The following FGF13 variants were observed in gnomAD, a reference collection of about 807,000 sequenced individuals.
The protein encoded by FGF13 is fibroblast growth factor 13.
FGF13 carries 2 observed loss-of-function variants against 19.5 expected under a neutral mutation model. That is an observed-to-expected ratio of 0.10 (90% CI 0.04 to 0.32). The LOEUF (loss-of-function observed/expected upper bound fraction) is 0.32. FGF13 is among the 10% of genes least tolerant of loss of function. FGF13 has a pLI of 1.00. For synonymous variants in FGF13, 72 were observed against 76.9 expected, an observed-to-expected ratio of 0.94 and a Z score of 0.33; for missense variants, 113 against 192.7, an observed-to-expected ratio of 0.59 and a Z score of 2.45.
chrX:138,671,368 T>C (rs1289097418), intron 3 of FGF13, among the ~76,000 whole-genome samples: 1 of 111,803 alleles, frequency 8.9e-6, no homozygotes, highest in Non-Finnish European at 1.9e-5. Context: ...ATGAATCTTA[T>C]AAATACAGGC....
Position 138,913,675 on chromosome X carries a change from AG to A in FGF13, c.-112-49026del, listed in dbSNP as rs2091602687. ...AAGGAAGGAAGGAAGGAAGGAAGGA[AG>A]GAAGGAAGGAAGGAAGGAAGGAAGG... is the stretch of plus-strand genomic sequence containing the variant. On this transcript the variant is annotated intron_variant, in intron 1 of 2. Coordinates refer to the FGF13 transcript ENST00000421460. 2.9e-5 allele frequency among the ~76,000 whole-genome samples: 3 copies of A among 103,642 alleles called. No individual in the cohort carries two copies. In the South Asian group the frequency reaches 1.4e-3, roughly 50 times the overall value. The allele number at this position is 103,642 out of a possible 115,157, so 90.0% of individuals were successfully genotyped here. A position where few individuals can be genotyped will look rare whatever the true frequency, so the allele number is the denominator to read the frequency against.
intron 3 of FGF13, among the ~76,000 whole-genome samples, chrX:138,836,798 T>C (rs1351290195): frequency 8.9e-6 from 1 of 111,998 alleles, no homozygotes; most frequent in Non-Finnish European, 1.9e-5. Flanking sequence ...GGTTTCAGGG[T>C]TCTTCTGCTG....
chrX:139,028,509 CTA>C (rs1312360043), intron 1 of FGF13, among the ~76,000 whole-genome samples: 1 of 109,978 alleles, frequency 9.1e-6, no homozygotes. Flanking sequence ...TCATGTCATT[CTA>C]TCTTTTGTTA....
intron 1 of FGF13, among the ~76,000 whole-genome samples, chrX:138,992,290 AT>A (rs1448166373): frequency 9.0e-6 from 1 of 111,079 alleles, no homozygotes; most frequent in Admixed American, 9.6e-5. Flanking sequence ...TTGTCTTTCA[AT>A]TTTGTTTATC....
chrX:139,011,889 G>A (rs1018605749), intron 1 of FGF13, among the ~76,000 whole-genome samples: 1 of 111,388 alleles, frequency 9.0e-6, no homozygotes, highest in Admixed American at 9.6e-5. Context: ...GGTAAAAAGA[G>A]GAAGGCAAAC....
At chrX:139,019,800 GA>G (rs952906485) in intron 1 of FGF13, among the ~76,000 whole-genome samples, 12 of 106,310 alleles carry the variant, frequency 1.1e-4, no homozygotes, top group Non-Finnish European at 1.8e-4. Flanking sequence ...AACCAGTCTA[GA>G]AAAAAAAAGG....
chrX:138,969,840 C>T (rs1280018954), intron 1 of FGF13, among the ~76,000 whole-genome samples: 1 of 111,756 alleles, frequency 8.9e-6, no homozygotes, highest in Non-Finnish European at 1.9e-5. Context: ...TGTTGGCAGG[C>T]AAGTAGCTCA....
At chrX:138,975,452 T>C (rs2091936030) in intron 1 of FGF13, among the ~76,000 whole-genome samples, 3 of 111,562 alleles carry the variant, frequency 2.7e-5, no homozygotes, top group African/African-American at 3.3e-5. Context: ...CAGTCTATCA[T>C]TGATGGACAT....
chrX:138,987,011 A>G (rs1218363306), intron 1 of FGF13, among the ~76,000 whole-genome samples: 1 of 112,158 alleles, frequency 8.9e-6, no homozygotes, highest in Non-Finnish European at 1.9e-5. Context: ...TTCAGAAGAA[A>G]GAAGACTGAC....
At position 138,622,608 on chromosome X, in the gene FGF13, T is replaced by A; in HGVS notation, c.*10242A>T. 8.9e-6 allele frequency: 1 copy of A among 111,897 alleles called. No homozygotes were observed. Among genetic ancestry groups the A allele is most frequent in the East Asian group, 2.8e-4 (1 of 3,554 alleles). The allele number at this position is 111,897 out of a possible 1,213,427, so 9.2% of individuals were successfully genotyped here. On this transcript the variant is annotated 3_prime_UTR_variant, in exon 5 of 5. Transcript: ENST00000315930. ...GTACTTGAAGTTCTGCTTAGAGCAA[T>A]AAGTCGAGAAAAAGAAATAAAATGC...
intron 3 of FGF13, among the ~76,000 whole-genome samples, chrX:138,681,788 G>T (rs2089731632): frequency 8.9e-6 from 1 of 111,744 alleles, no homozygotes; most frequent in African/African-American, 3.3e-5. Flanking sequence ...CAGGGAATGG[G>T]GAGGCCTAAG....
At chrX:138,977,530 C>T (rs1279611020) in intron 1 of FGF13, among the ~76,000 whole-genome samples, 2 of 112,621 alleles carry the variant, frequency 1.8e-5, no homozygotes, top group African/African-American at 6.5e-5. Context: ...CTCACAATCA[C>T]ATTCCATTCC....
chrX:138,643,878 A>T (rs888671639), intron 3 of FGF13, among the ~76,000 whole-genome samples: 13 of 111,641 alleles, frequency 1.2e-4, no homozygotes, highest in African/African-American at 4.2e-4. Flanking sequence ...ATTTCTAAAA[A>T]CAAACCTTCT....
intron 1 of FGF13, among the ~76,000 whole-genome samples, chrX:138,898,442 T>C (rs2091515144): frequency 8.9e-6 from 1 of 111,982 alleles, no homozygotes; most frequent in African/African-American, 3.3e-5. Context: ...TTTTGTCTCA[T>C]TTCCTTCTAC....
chrX:139,200,096 A>T lies in FGF13; in HGVS notation c.-113+3320T>A, dbSNP rs185893521. Among the ~76,000 whole-genome samples, 163 of 112,092 alleles carry T rather than the reference A, an allele frequency of 1.5e-3. 2 individuals are homozygous for T. Among genetic ancestry groups the T allele is most frequent in the Non-Finnish European group, 1.8e-3 (94 of 53,246 alleles). On this transcript the variant is annotated intron_variant, in intron 1 of 2. Coordinates refer to the FGF13 transcript ENST00000421460. The stretch of plus-strand genomic sequence containing the variant: ...CAGCACAGAAAAGACCGTGTGGCTT[A>T]TGACACTGTATGTAAAACCATGGGA...
At chrX:138,762,107 G>T (rs2090471606) in intron 3 of FGF13, among the ~76,000 whole-genome samples, 1 of 110,323 alleles carries the variant, frequency 9.1e-6, no homozygotes, top group Non-Finnish European at 1.9e-5. Flanking sequence ...TAATTTTAAT[G>T]TTTAAATTTA....
At chrX:139,073,325 A>G (rs1238979831) in intron 1 of FGF13, among the ~76,000 whole-genome samples, 1 of 110,978 alleles carries the variant, frequency 9.0e-6, no homozygotes, top group Non-Finnish European at 1.9e-5. Context: ...TAAGCTTCAC[A>G]ACTAAGGAAA....
chrX:139,029,690 A>C (rs920961175), intron 1 of FGF13, among the ~76,000 whole-genome samples: 3 of 111,666 alleles, frequency 2.7e-5, no homozygotes, highest in Non-Finnish European at 5.7e-5. Flanking sequence ...AGGTGATGTG[A>C]TCTCTGGCTC....
rs752373075 is a variant in FGF13 at position 138,966,255 on chromosome X, G to C, written c.-112-101605C>G. On this transcript the variant is annotated intron_variant, in intron 1 of 2. Transcript: ENST00000421460. ...GCTACTGTCCTTCAGACCCCAGAAT[G>C]GTAGATCCACAGACAGCTTGTACTG... Among the ~76,000 whole-genome samples the C allele has an allele frequency of 5.4e-5, 6 of 111,946 alleles. No individual in the cohort carries two copies. The Admixed American group carries it at 5.7e-4, about 11-fold the overall frequency.
Sources: gnomAD v4.1 joint callset for allele counts (sites outside exome capture counted in the v4.1 genomes callset) on GRCh38, gnomAD v4.1.1 for gene constraint, MANE v1.5 for transcripts, NCBI Gene and HGNC (gene_info 2026-07-23, HGNC 2026-07-21) for gene names.